The following RFX8 variants were observed in gnomAD, a reference collection of about 807,000 sequenced individuals.
The protein encoded by RFX8 is regulatory factor X8, also known as DNA-binding protein RFX8.
RFX8 carries 46 observed loss-of-function variants against 54.6 expected under a neutral mutation model. The observed-to-expected ratio is 0.84, with a 90% CI of 0.67 to 1.08. The LOEUF is 1.08. Ranked by LOEUF, RFX8 falls within the 50% of genes least tolerant of loss-of-function variation. The pLI is 0.00. For missense variants in RFX8, 536 were observed against 562.3 expected (o/e 0.95, Z 0.47); for synonymous variants, 192 against 209.5 (o/e 0.92, Z 0.72).
chr2:101,424,808 T>C (rs139907358), intron 2 of RFX8, among the ~76,000 whole-genome samples: 6,261 of 152,128 alleles, frequency 0.041, 205 homozygotes, highest in Admixed American at 0.11. Flanking sequence ...TAGGTGAGAA[T>C]TGAACAATGA....
chr2:101,453,819 G>C (rs1272132259), intron 2 of RFX8, among the ~76,000 whole-genome samples: 6 of 152,010 alleles, frequency 3.9e-5, no homozygotes, highest in Non-Finnish European at 7.4e-5. Flanking sequence ...TGGGCTCACA[G>C]GTTGGCATCA....
chr2:101,453,285 ATAAATAAAT>A (rs369479287), intron 2 of RFX8, among the ~76,000 whole-genome samples: 3,889 of 143,556 alleles, frequency 0.027, 229 homozygotes, highest in African/African-American at 0.093. Flanking sequence ...TCAAAAAAAA[ATAAATAAAT>A]AAAAAGAGAG....
At chr2:101,436,858 C>T (rs1370352631) in intron 2 of RFX8, among the ~76,000 whole-genome samples, 6 of 152,116 alleles carry the variant, frequency 3.9e-5, no homozygotes, top group African/African-American at 1.4e-4. Context: ...TTAAAGGCAA[C>T]GATGCCTGTG....
At chr2:101,449,187 C>G (rs201065472) in intron 2 of RFX8, among the ~76,000 whole-genome samples, 1 of 10,858 alleles carries the variant, frequency 9.2e-5, no homozygotes, top group Non-Finnish European at 6.0e-4. Context: ...AAATAGGCAA[C>G]ACACGGTTGG....
chr2:101,407,855 C>T (rs367890396), intron 9 of RFX8, among the ~76,000 whole-genome samples: 6 of 152,182 alleles, frequency 3.9e-5, no homozygotes, highest in South Asian at 2.1e-4. Flanking sequence ...TGTCCCCCAA[C>T]GTAGAAGCTC....
At chr2:101,416,263 G>A (rs1686503380) in intron 6 of RFX8, among the ~76,000 whole-genome samples, 1 of 152,168 alleles carries the variant, frequency 6.6e-6, no homozygotes, top group South Asian at 2.1e-4. Flanking sequence ...AGAGACAGAG[G>A]CTTGAATTCG....
chr2:101,421,663 A>G (rs1215554779), intron 4 of RFX8, 61 bp downstream of exon 4: 18 of 1,513,434 alleles, frequency 1.2e-5, no homozygotes, highest in Non-Finnish European at 1.5e-5. Context: ...ATTAATAAGG[A>G]GTCATAAATG....
At chr2:101,469,331 T>C (rs1432764896) in intron 1 of RFX8, among the ~76,000 whole-genome samples, 1 of 151,208 alleles carries the variant, frequency 6.6e-6, no homozygotes, top group East Asian at 2.0e-4. Flanking sequence ...TAAAAAAAAA[T>C]TTTTGTAGAG....
Position 101,408,763 on chromosome 2 carries a change from C to T in RFX8, c.813+1856G>A, listed in dbSNP as rs568519689. On this transcript the variant is annotated intron_variant, in intron 9 of 11. Coordinates refer to ENST00000428343, the MANE Select transcript of RFX8 (RefSeq NM_001145664.2). ...CTGCCAAGGGTTGGAACTGGCTTTC[C>T]AGCTCCTTCCTGAGGATTTTTCTGG... Among the ~76,000 whole-genome samples, 27 of 152,324 alleles carry T rather than the reference C, an allele frequency of 1.8e-4. 2 individuals are homozygous for T. In the South Asian group the frequency reaches 5.6e-3, roughly 32 times the overall value.
At chr2:101,468,652 A>T (rs1317408869) in intron 1 of RFX8, among the ~76,000 whole-genome samples, 1 of 152,004 alleles carries the variant, frequency 6.6e-6, no homozygotes, top group Non-Finnish European at 1.5e-5. Context: ...ATCCTAATTC[A>T]GGATGACTTC....
At chr2:101,463,967 G>C (rs954836009) in intron 2 of RFX8, among the ~76,000 whole-genome samples, 1 of 152,240 alleles carries the variant, frequency 6.6e-6, no homozygotes, top group Non-Finnish European at 1.5e-5. Context: ...GGTATTTACA[G>C]TGACAACAAG....
intron 2 of RFX8, among the ~76,000 whole-genome samples, chr2:101,451,255 C>T (rs534870400): frequency 1.2e-4 from 18 of 152,272 alleles, no homozygotes; most frequent in South Asian, 1.0e-3. Context: ...AGTGGCAGCC[C>T]CCTTTCCTAA....
rs1491251595 is a variant in RFX8, at chr2:101,469,108, G to GTATATATA, written c.-52-2209_-52-2208insTATATATA. 6.6e-3 allele frequency among the ~76,000 whole-genome samples: 111 copies of GTATATATA among 16,696 alleles called. 2 individuals carry two copies. Among genetic ancestry groups the GTATATATA allele is most frequent in the African/African-American group, 0.02 (105 of 5,310 alleles). The allele number at this position is 16,696 out of a possible 152,430, so 11.0% of individuals were successfully genotyped here. A position where few individuals can be genotyped will look rare whatever the true frequency, so the allele number is the denominator to read the frequency against. Reference sequence around the variant, plus strand: ...TATATATATAAGTATATATATATAAGTGTATATATATATAAGTATATATAT... The same window carrying GTATATATA: ...TATATATATAAGTATATATATATAAGTATATATATGTATATATATATAAGTATATATAT... On this transcript the variant is annotated intron_variant, in intron 1 of 11. Coordinates refer to ENST00000428343, the MANE Select transcript of RFX8 (RefSeq NM_001145664.2).
rs1466516844 is a variant in RFX8, at chr2:101,402,750, A to G, written c.931T>C (p.Ser311Pro). ...MTLCHRDSFG[S>P]WHLFHLLLLE... The stretch of plus-strand genomic sequence containing the variant: ...AGCAACAAGTGAAACAGATGCCAGG[A>G]GCCTACATTTAGATAATAACCAAAA... The change falls in exon 11 of 12, where the codon TCC becomes CCC. Residue 311 changes from serine to proline, a missense_variant and splice_region_variant. Ser to Pro is a moderately conservative substitution (Grantham distance 74). Transcript: ENST00000428343. 2 of 1,542,484 alleles carry G rather than the reference A, an allele frequency of 1.3e-6. No individual in the cohort carries two copies. The highest frequency in any genetic ancestry group is 2.5e-5 in the East Asian group (1 of 40,714).
intron 6 of RFX8, among the ~76,000 whole-genome samples, chr2:101,415,714 G>C (rs1686456926): frequency 6.6e-6 from 1 of 152,242 alleles, no homozygotes; most frequent in South Asian, 2.1e-4. Flanking sequence ...ATGGACGGAA[G>C]AGGACAGCCC....
intron 2 of RFX8, chr2:101,428,817 C>T (rs1017528363): frequency 2.9e-5 from 18 of 624,082 alleles, no homozygotes; most frequent in African/African-American, 2.7e-4. Context: ...ACTGAACATT[C>T]ATGGTCAGAT....
chr2:101,434,122 T>C (rs576197959), intron 2 of RFX8, among the ~76,000 whole-genome samples: 1 of 152,290 alleles, frequency 6.6e-6, no homozygotes, highest in South Asian at 2.1e-4. Flanking sequence ...AACTTGCAGA[T>C]GAAGAAGGAC....
At chr2:101,435,515 G>GGCATCGTTGC (rs1687730363) in intron 2 of RFX8, among the ~76,000 whole-genome samples, 1 of 152,140 alleles carries the variant, frequency 6.6e-6, no homozygotes, top group Non-Finnish European at 1.5e-5. Context: ...ATTACAAAGA[G>GGCATCGTTGC]CTGTTTCTCC....
chr2:101,434,468 G>A (rs769108033), intron 2 of RFX8, among the ~76,000 whole-genome samples: 14 of 152,138 alleles, frequency 9.2e-5, no homozygotes, highest in Non-Finnish European at 1.8e-4. Context: ...GGAAGTATAA[G>A]ACATCCACGA....
Sources: allele counts gnomAD v4.1 joint callset (sites outside exome capture counted in the v4.1 genomes callset), GRCh38; gene constraint gnomAD v4.1.1; transcripts MANE v1.5; gene names NCBI Gene and HGNC (gene_info 2026-07-23, HGNC 2026-07-21).